DHRS7B: variants seen among roughly 807,000 people sequenced by gnomAD.
The protein encoded by DHRS7B is peroxisomal reductase activating PPAR-gamma.
In DHRS7B, 24 loss-of-function variants were observed where a neutral mutation model predicts 26.4. That is an observed-to-expected ratio of 0.91 (90% CI 0.66 to 1.28). The LOEUF (loss-of-function observed/expected upper bound fraction) is 1.28, where lower values mean the gene tolerates loss of function less well. DHRS7B is among the 50% of genes most tolerant of loss of function. The pLI, the probability that DHRS7B is intolerant of heterozygous loss-of-function variation, is 0.00. For synonymous variants in DHRS7B, 142 were observed against 166.4 expected (o/e 0.85, Z 1.13); for missense variants, 368 against 419.4 (o/e 0.88, Z 1.07).
chr17:21,140,211 A>T (rs1228586280), intron 1 of DHRS7B, among the ~76,000 whole-genome samples: 1 of 151,532 alleles, frequency 6.6e-6, no homozygotes, highest in African/African-American at 2.4e-5. Flanking sequence ...ATTTAGTAAG[A>T]TGGGGTTTCA....
At chr17:21,165,183 C>G (rs1041489752) in intron 1 of DHRS7B, among the ~76,000 whole-genome samples, 2 of 152,072 alleles carry the variant, frequency 1.3e-5, no homozygotes, top group Non-Finnish European at 2.9e-5. Flanking sequence ...TCTTGTCCCC[C>G]TCCCCCATGC....
Position 21,134,100 on chromosome 17 carries a change from C to G in DHRS7B, c.20+7109C>G, listed in dbSNP as rs886521168. Among the ~76,000 whole-genome samples, 5 of 152,112 alleles carry G rather than the reference C, an allele frequency of 3.3e-5. No individual in the cohort carries two copies. The East Asian group carries it at 9.7e-4, about 29-fold the overall frequency. On this transcript the variant is annotated intron_variant, in intron 1 of 6. Coordinates refer to ENST00000395511, the MANE Select transcript of DHRS7B (RefSeq NM_015510.5). Reference sequence around the variant, plus strand: ...AAGAAAAATTAGAATTCAGTTCAAACTGTAGAAAATAATAAAAATTGGAAA... The same window carrying G: ...AAGAAAAATTAGAATTCAGTTCAAAGTGTAGAAAATAATAAAAATTGGAAA...
chr17:21,177,958 G>A (rs1364019367), intron 2 of DHRS7B, among the ~76,000 whole-genome samples: 1 of 152,266 alleles, frequency 6.6e-6, no homozygotes, highest in Non-Finnish European at 1.5e-5. Flanking sequence ...GCTCACAGCT[G>A]ATCCAGGTGA....
intron 5 of DHRS7B, among the ~76,000 whole-genome samples, chr17:21,186,579 T>G (rs561256532): frequency 4.2e-4 from 64 of 152,372 alleles, no homozygotes; most frequent in African/African-American, 1.2e-3. Flanking sequence ...AACTGCCTCA[T>G]GTGACTTGCT....
intron 6 of DHRS7B, among the ~76,000 whole-genome samples, chr17:21,189,649 GCT>G (rs1252497286): frequency 1.3e-5 from 2 of 152,242 alleles, no homozygotes; most frequent in Non-Finnish European, 2.9e-5. Flanking sequence ...GGCAGCAGCT[GCT>G]CTCTCACACA....
intron 1 of DHRS7B, among the ~76,000 whole-genome samples, chr17:21,134,752 A>C (rs555144845): frequency 1.3e-5 from 2 of 152,360 alleles, no homozygotes; most frequent in Non-Finnish European, 2.9e-5. Context: ...GAGAGAAACA[A>C]ATATGTTCCA....
chr17:21,143,770 G>A (rs1973580566), intron 1 of DHRS7B, among the ~76,000 whole-genome samples: 1 of 152,202 alleles, frequency 6.6e-6, no homozygotes, highest in Non-Finnish European at 1.5e-5. Flanking sequence ...TGTAGTTATT[G>A]CTGACTGCTG....
At chr17:21,132,480 A>G (rs200834275) in intron 1 of DHRS7B, among the ~76,000 whole-genome samples, 21 of 141,196 alleles carry the variant, frequency 1.5e-4, no homozygotes, top group Non-Finnish European at 3.1e-5. Context: ...GCAGTGAGCT[A>G]TGATCACACC....
intron 1 of DHRS7B, among the ~76,000 whole-genome samples, chr17:21,130,033 G>A (rs1264319084): frequency 1.3e-5 from 2 of 152,190 alleles, no homozygotes; most frequent in African/African-American, 4.8e-5. Flanking sequence ...AGTAGTTGAG[G>A]TGCCTAGGCT....
intron 1 of DHRS7B, among the ~76,000 whole-genome samples, chr17:21,151,528 A>G (rs1359363314): frequency 6.6e-6 from 1 of 151,598 alleles, no homozygotes; most frequent in African/African-American, 2.4e-5. Context: ...AAAAAAAAAA[A>G]AGAAGTTGCC....
chr17:21,171,760 A>G, intron 1 of DHRS7B: 1 of 595,928 alleles, frequency 1.7e-6, no homozygotes, highest in Non-Finnish European at 3.1e-6. Flanking sequence ...GCTGAATGGC[A>G]ATCTCCGCTT....
At chr17:21,174,586 C>T (rs1215676652) in intron 2 of DHRS7B, among the ~76,000 whole-genome samples, 1 of 152,228 alleles carries the variant, frequency 6.6e-6, no homozygotes, top group Non-Finnish European at 1.5e-5. Flanking sequence ...ACTCCCTACA[C>T]AAACTTTCAT....
chr17:21,144,894 G>A (rs1380254934), intron 1 of DHRS7B, among the ~76,000 whole-genome samples: 1 of 152,110 alleles, frequency 6.6e-6, no homozygotes, highest in African/African-American at 2.4e-5. Flanking sequence ...GGCTTCAAGA[G>A]TTTTGTAGGT....
intron 1 of DHRS7B, among the ~76,000 whole-genome samples, chr17:21,132,444 T>C (rs1400991511): frequency 6.8e-6 from 1 of 147,284 alleles, no homozygotes; most frequent in African/African-American, 2.5e-5. Context: ...GGTGGGAGGA[T>C]CGCTTGAACC....
intron 1 of DHRS7B, among the ~76,000 whole-genome samples, chr17:21,164,229 C>G (rs1974061978): frequency 6.6e-6 from 1 of 151,688 alleles, no homozygotes; most frequent in South Asian, 2.1e-4. Context: ...CGGGGTCTCA[C>G]TCTGTTGCCC....
intron 1 of DHRS7B, among the ~76,000 whole-genome samples, chr17:21,146,225 A>T (rs1331218727): frequency 6.6e-6 from 1 of 152,190 alleles, no homozygotes; most frequent in South Asian, 2.1e-4. Context: ...CCTGGGCAAC[A>T]TGGCAAAACC....
chr17:21,172,643 C>T (rs1188727374), intron 2 of DHRS7B, among the ~76,000 whole-genome samples: 1 of 152,230 alleles, frequency 6.6e-6, no homozygotes, highest in African/African-American at 2.4e-5. Flanking sequence ...TGGTTCACAG[C>T]TTTGGTGCAT....
intron 1 of DHRS7B, among the ~76,000 whole-genome samples, chr17:21,135,008 C>T (rs1417036335): frequency 6.6e-6 from 1 of 152,112 alleles, no homozygotes; most frequent in Admixed American, 6.6e-5. Flanking sequence ...TCAAGAGCAC[C>T]TGTTAGAGTT....
At chr17:21,137,765 A>G (rs1973380182) in intron 1 of DHRS7B, among the ~76,000 whole-genome samples, 1 of 151,454 alleles carries the variant, frequency 6.6e-6, no homozygotes. Flanking sequence ...CCTCTGGCTA[A>G]TTTTTTGTAT....
Sources: gnomAD v4.1 joint callset for allele counts (sites outside exome capture counted in the v4.1 genomes callset) on GRCh38, gnomAD v4.1.1 for gene constraint, MANE v1.5 for transcripts, NCBI Gene and HGNC (gene_info 2026-07-23, HGNC 2026-07-21) for gene names.